The following TRNAU1AP variants were observed in gnomAD, a reference collection of about 807,000 sequenced individuals.
The protein encoded by TRNAU1AP is tRNA selenocysteine 1-associated protein 1.
In TRNAU1AP, 33 loss-of-function variants were observed where a neutral mutation model predicts 43.3. The ratio of observed to expected loss-of-function variants is 0.76; its 90% CI spans 0.58 to 1.02. The LOEUF is 1.02. Ranked by LOEUF, TRNAU1AP falls within the 50% of genes least tolerant of loss-of-function variation. The pLI is 0.00. For missense variants in TRNAU1AP, 290 were observed against 362.7 expected (o/e 0.80, Z 1.63); for synonymous variants, 143 against 129.1 (o/e 1.11, Z -0.73).
chr1:28,577,070 G>C (rs1349988858), intron 8 of TRNAU1AP, among the ~76,000 whole-genome samples: 2 of 152,116 alleles, frequency 1.3e-5, no homozygotes, highest in African/African-American at 4.8e-5. Flanking sequence ...TTTCTCTAAA[G>C]TACATACACA....
chr1:28,559,504 T>A (rs779701487), intron 2 of TRNAU1AP, among the ~76,000 whole-genome samples: 1 of 152,024 alleles, frequency 6.6e-6, no homozygotes, highest in Non-Finnish European at 1.5e-5. Context: ...GGCGCATGCC[T>A]GTAATTCCAG....
chr1:28,558,600 T>C (rs979055589), intron 2 of TRNAU1AP, among the ~76,000 whole-genome samples: 15 of 143,502 alleles, frequency 1.0e-4, no homozygotes, highest in African/African-American at 3.9e-4. Context: ...AGTCTCATTC[T>C]GTCGCCCAGG....
At chr1:28,566,326 A>C (rs1029132980) in intron 5 of TRNAU1AP, among the ~76,000 whole-genome samples, 1 of 151,056 alleles carries the variant, frequency 6.6e-6, no homozygotes, top group African/African-American at 2.4e-5. Flanking sequence ...AAAAAAAAAA[A>C]AAAAAGAAGA....
At chr1:28,563,537 A>T (rs1266363034) in intron 4 of TRNAU1AP, among the ~76,000 whole-genome samples, 1 of 151,984 alleles carries the variant, frequency 6.6e-6, no homozygotes, top group African/African-American at 2.4e-5. Flanking sequence ...ACAAAAAATT[A>T]GTTGGGCGTA....
chr1:28,560,108 A>G (rs1359182104), intron 2 of TRNAU1AP, among the ~76,000 whole-genome samples: 1 of 152,118 alleles, frequency 6.6e-6, no homozygotes, highest in Non-Finnish European at 1.5e-5. Context: ...CGTCTCATAA[A>G]TAAATAAATA....
chr1:28,553,835 A>C, intron 2 of TRNAU1AP, 98 bp downstream of exon 2: 1 of 1,040,088 alleles, frequency 9.6e-7, no homozygotes, highest in Non-Finnish European at 1.5e-6. Flanking sequence ...ACCCCTAGTA[A>C]TAGTCACTGT....
At chr1:28,553,569 G>T in intron 1 of TRNAU1AP, 71 bp from the exon 2 acceptor site, 2 of 1,449,932 alleles carry the variant, frequency 1.4e-6, no homozygotes, top group Admixed American at 3.5e-5. Flanking sequence ...GGCTGAACGG[G>T]AGGGGCTCTG....
chr1:28,562,460 C>T (rs1474685625), intron 4 of TRNAU1AP, among the ~76,000 whole-genome samples: 6 of 151,924 alleles, frequency 3.9e-5, no homozygotes, highest in Admixed American at 3.9e-4. Context: ...TACGATGGAT[C>T]GTATTTATGA....
chr1:28,555,929 C>T (rs1665251470), intron 2 of TRNAU1AP, among the ~76,000 whole-genome samples: 1 of 151,248 alleles, frequency 6.6e-6, no homozygotes, highest in African/African-American at 2.4e-5. Context: ...TCTCGGCTCA[C>T]TGCAAGCTCC....
At chr1:28,567,890 G>A (rs1182007037) in intron 6 of TRNAU1AP, among the ~76,000 whole-genome samples, 2 of 152,134 alleles carry the variant, frequency 1.3e-5, no homozygotes, top group Non-Finnish European at 2.9e-5. Context: ...TTGGCCGGGC[G>A]CAGTGGCTCA....
chr1:28,553,395 A>G (rs941993536), intron 1 of TRNAU1AP: 35 of 624,660 alleles, frequency 5.6e-5, no homozygotes, highest in African/African-American at 4.6e-4. Context: ...GAGCAATCCA[A>G]GGACTGAGGC....
chr1:28,573,208 A>G (rs1665699855), intron 8 of TRNAU1AP, among the ~76,000 whole-genome samples: 1 of 150,234 alleles, frequency 6.7e-6, no homozygotes, highest in Non-Finnish European at 1.5e-5. Context: ...TAATTTTTGT[A>G]TTCTTAGTAG....
At chr1:28,556,208 TC>T (rs1459662798) in intron 2 of TRNAU1AP, among the ~76,000 whole-genome samples, 2 of 150,690 alleles carry the variant, frequency 1.3e-5, no homozygotes, top group African/African-American at 4.9e-5. Context: ...ACACTTGTAA[TC>T]CCAGCACTTT....
At chr1:28,569,270 C>T (rs112006825) in intron 6 of TRNAU1AP, among the ~76,000 whole-genome samples, 4 of 152,252 alleles carry the variant, frequency 2.6e-5, no homozygotes, top group African/African-American at 7.2e-5. Context: ...TGGTGTACTC[C>T]TCTAGTCCCA....
chr1:28,564,848 T>C lies in TRNAU1AP; in HGVS notation c.410+14T>C, dbSNP rs1380545770. The C allele has an allele frequency of 6.2e-7, 1 of 1,613,740 alleles. No homozygotes were observed. Among genetic ancestry groups the C allele is most frequent in the Non-Finnish European group, 8.5e-7 (1 of 1,179,922 alleles). On this transcript the variant is annotated intron_variant, in intron 5 of 8. Coordinates refer to ENST00000373830, the MANE Select transcript of TRNAU1AP (RefSeq NM_017846.5). The stretch of plus-strand genomic sequence containing the variant: ...AGGCGTGTCTAAGTAAGGCCTTACT[T>C]GTTACTGATGCTTAACTGTGTTAGT...
rs1665831956 is a variant in TRNAU1AP at position 28,577,771 on chromosome 1, T to C, written c.*135T>C. ...TGTTTTTGGAGATCATGAATGTTTC[T>C]ACAACACTGCTGCATTCATTTGACC... On this transcript the variant is annotated 3_prime_UTR_variant, in exon 9 of 9. Coordinates refer to ENST00000373830, the MANE Select transcript of TRNAU1AP (RefSeq NM_017846.5). 2 of 956,588 alleles carry C rather than the reference T, an allele frequency of 2.1e-6. No homozygotes were observed. The highest frequency in any genetic ancestry group is 3.1e-6 in the Non-Finnish European group (2 of 643,974). 59.3% of individuals were successfully genotyped at this position (956,588 alleles called of 1,614,324 possible). A position where few individuals can be genotyped will look rare whatever the true frequency, so the allele number is the denominator to read the frequency against.
chr1:28,560,527 T>G, intron 2 of TRNAU1AP, 106 bp from the exon 3 acceptor site: 1 of 822,420 alleles, frequency 1.2e-6, no homozygotes, highest in Non-Finnish European at 2.0e-6. Context: ...CCACCTGCCT[T>G]GGCCTCCCAA....
At chr1:28,563,750 G>A (rs1455281998) in intron 4 of TRNAU1AP, among the ~76,000 whole-genome samples, 1 of 152,046 alleles carries the variant, frequency 6.6e-6, no homozygotes, top group Non-Finnish European at 1.5e-5. Context: ...CACTTGGGCG[G>A]CTGAGGCAAG....
rs1665850337 is a variant in TRNAU1AP, at chr1:28,578,179, CATCT to C, written c.*546_*549del. 6.3e-6 allele frequency: 1 copy of C among 157,720 alleles called. No individual in the cohort carries two copies. The highest frequency in any genetic ancestry group is 1.4e-5 in the Non-Finnish European group (1 of 71,436). The allele number at this position is 157,720 out of a possible 1,614,324, so 9.8% of individuals were successfully genotyped here. A position where few individuals can be genotyped will look rare whatever the true frequency, so the allele number is the denominator to read the frequency against. On this transcript the variant is annotated 3_prime_UTR_variant, in exon 9 of 9. Coordinates refer to ENST00000373830, the MANE Select transcript of TRNAU1AP (RefSeq NM_017846.5). ...TAGTACTTGCTCTAATAATGGGTTT[CATCT>C]ATTTTCATGAGTTGCAGCATCTGCA...
Sources: allele counts gnomAD v4.1 joint callset (sites outside exome capture counted in the v4.1 genomes callset), GRCh38; gene constraint gnomAD v4.1.1; transcripts MANE v1.5; gene names NCBI Gene and HGNC (gene_info 2026-07-23, HGNC 2026-07-21).